Variants in DLGAP4 observed in about 807,000 individuals in gnomAD.
The protein encoded by DLGAP4 is disks large-associated protein 4.
A neutral mutation model predicts 86.9 loss-of-function variants in DLGAP4; 18 were observed. The observed-to-expected ratio is 0.21, with a 90% CI of 0.14 to 0.31. The LOEUF (loss-of-function observed/expected upper bound fraction) is 0.31. Among genes scored for constraint, DLGAP4 ranks in the 10% least tolerant of loss-of-function variants. DLGAP4 has a pLI of 1.00. For synonymous variants in DLGAP4, 548 were observed against 574.3 expected (o/e 0.95, Z 0.65); for missense variants, 1,085 against 1,362.6 (o/e 0.80, Z 3.21).
At chr20:36,396,832 G>A (rs2034474651) in intron 2 of DLGAP4, among the ~76,000 whole-genome samples, 1 of 152,196 alleles carries the variant, frequency 6.6e-6, no homozygotes, top group South Asian at 2.1e-4. Flanking sequence ...CTCTCAGGGC[G>A]GTTGCATTCA....
intron 7 of DLGAP4, chr20:36,462,655 C>A: frequency 6.4e-7 from 1 of 1,551,416 alleles, no homozygotes; most frequent in Admixed American, 2.1e-5. Context: ...TGGCCGCGGC[C>A]GAGGCTCCAT....
At chr20:36,361,621 G>A (rs2147404306) in intron 1 of DLGAP4, among the ~76,000 whole-genome samples, 1 of 152,254 alleles carries the variant, frequency 6.6e-6, no homozygotes, top group South Asian at 2.1e-4. Context: ...CCCGGACGGG[G>A]GCGACTCTGG....
rs1371891597 is a variant in DLGAP4, at chr20:36,499,551, T to C, written c.2011-37T>C. 3.1e-6 allele frequency: 5 copies of C among 1,598,994 alleles called. No individual in the cohort carries two copies. In the Middle Eastern group the frequency reaches 4.9e-4, roughly 158 times the overall value. ...GGTGTTTGTTTTTTATTTTTGTCTT[T>C]GTCTCCGTGCCGTTGCTGTCGTTGT... is the stretch of plus-strand genomic sequence containing the variant. On this transcript the variant is annotated intron_variant, in intron 8 of 12. Coordinates refer to ENST00000339266, the MANE Select transcript of DLGAP4 (RefSeq NM_001365621.2).
chr20:36,446,962 G>C, intron 7 of DLGAP4, 25 bp downstream of exon 7: 1 of 1,578,824 alleles, frequency 6.3e-7, no homozygotes, highest in Non-Finnish European at 8.6e-7. Flanking sequence ...GAGGGAAGGG[G>C]TTTTTTTTCT....
intron 10 of DLGAP4, among the ~76,000 whole-genome samples, chr20:36,514,092 T>C (rs974954692): frequency 2.6e-5 from 4 of 151,550 alleles, no homozygotes; most frequent in Admixed American, 2.6e-4. Flanking sequence ...CACTTAGCGG[T>C]GGAAAGGGAG....
chr20:36,517,391 C>T (rs927265098), intron 10 of DLGAP4, among the ~76,000 whole-genome samples: 1 of 151,950 alleles, frequency 6.6e-6, no homozygotes, highest in Non-Finnish European at 1.5e-5. Flanking sequence ...CTCAACCTCC[C>T]GAGTAGCTTG....
rs960392720 is a variant in DLGAP4 at position 36,499,101 on chromosome 20, C to T, written c.2011-487C>T. On this transcript the variant is annotated intron_variant, in intron 8 of 12. Coordinates refer to ENST00000339266, the MANE Select transcript of DLGAP4 (RefSeq NM_001365621.2). ...TGGCCTGCCCTCCAGGTTTCTGCCA[C>T]AGGGTTCAGGGAGTGATCTTTGCCT... The T allele has an allele frequency of 1.2e-5, 10 of 816,552 alleles. No individual in the cohort carries two copies. In the African/African-American group the frequency reaches 1.7e-4, roughly 14 times the overall value. 50.6% of individuals were successfully genotyped at this position (816,552 alleles called of 1,614,324 possible). A position where few individuals can be genotyped will look rare whatever the true frequency, so the allele number is the denominator to read the frequency against.
intron 1 of DLGAP4, among the ~76,000 whole-genome samples, chr20:36,361,089 A>T (rs1198618475): frequency 6.6e-6 from 1 of 152,150 alleles, no homozygotes; most frequent in East Asian, 1.9e-4. Flanking sequence ...CACATCTCAG[A>T]GCCAGCAAAG....
At chr20:36,482,112 C>T (rs1041300234) in intron 7 of DLGAP4, among the ~76,000 whole-genome samples, 2 of 152,210 alleles carry the variant, frequency 1.3e-5, no homozygotes, top group Admixed American at 1.3e-4. Context: ...CACTATTCGT[C>T]TCATCCCAAC....
chr20:36,381,103 T>G (rs2031376425), intron 2 of DLGAP4, among the ~76,000 whole-genome samples: 2 of 152,250 alleles, frequency 1.3e-5, no homozygotes, highest in African/African-American at 4.8e-5. Flanking sequence ...GTACATAAAA[T>G]AATCGGCAAC....
chr20:36,509,970 T>C (rs545283400), intron 10 of DLGAP4, among the ~76,000 whole-genome samples: 26 of 150,352 alleles, frequency 1.7e-4, no homozygotes, highest in Non-Finnish European at 3.7e-4. Flanking sequence ...GATTCTCTTG[T>C]CCCAGCCTCC....
intron 2 of DLGAP4, among the ~76,000 whole-genome samples, chr20:36,368,631 A>G (rs1255747029): frequency 6.6e-6 from 1 of 151,408 alleles, no homozygotes; most frequent in Admixed American, 6.6e-5. Context: ...CTGGTGCAGG[A>G]CAGGTGATAA....
intron 7 of DLGAP4, among the ~76,000 whole-genome samples, chr20:36,481,872 A>T (rs1020192032): frequency 6.6e-5 from 10 of 152,086 alleles, no homozygotes; most frequent in African/African-American, 2.4e-4. Flanking sequence ...GTGCATCCTC[A>T]GTGTCTGTGG....
At chr20:36,482,781 C>T (rs2147712868) in intron 7 of DLGAP4, among the ~76,000 whole-genome samples, 1 of 152,256 alleles carries the variant, frequency 6.6e-6, no homozygotes, top group East Asian at 1.9e-4. Context: ...AAGTGATCCC[C>T]ACACCTCAGC....
At chr20:36,367,855 C>T (rs371100383) in intron 2 of DLGAP4, among the ~76,000 whole-genome samples, 1 of 152,210 alleles carries the variant, frequency 6.6e-6, no homozygotes, top group South Asian at 2.1e-4. Flanking sequence ...CACCACTTCA[C>T]CATGCTGCTT....
At chr20:36,446,170 C>A (rs1026725063) in intron 6 of DLGAP4, among the ~76,000 whole-genome samples, 6 of 152,212 alleles carry the variant, frequency 3.9e-5, no homozygotes, top group African/African-American at 1.4e-4. Flanking sequence ...TATAAGAGGG[C>A]TAGATTAATC....
chr20:36,470,938 C>T (rs1375918272), intron 7 of DLGAP4, among the ~76,000 whole-genome samples: 1 of 152,136 alleles, frequency 6.6e-6, no homozygotes, highest in Non-Finnish European at 1.5e-5. Flanking sequence ...CAGTGAACAC[C>T]CTTTCCTGTG....
In DLGAP4 at chr20:36,350,075, T is replaced by TGTGGGTCTCAAGCGGCTTCTG. The variant is rs1555893358; in HGVS notation, c.-303-16966_-303-16946dup. On this transcript the variant is annotated intron_variant, in intron 1 of 12. Transcript: ENST00000339266. This position sits in a 1 kb window ranked among gnomAD's most constrained non-coding sequence, Gnocchi z 4.4. ...TCTCACAGTTCCCACATTTTTAGCCTGTGGGTCTCAAGCGGCTTCTGGTGT... is the reference window on the plus strand; with the variant it reads ...TCTCACAGTTCCCACATTTTTAGCCTGTGGGTCTCAAGCGGCTTCTGGTGGGTCTCAAGCGGCTTCTGGTGT... 1.3e-5 allele frequency among the ~76,000 whole-genome samples: 2 copies of TGTGGGTCTCAAGCGGCTTCTG among 152,132 alleles called. No individual in the cohort carries two copies. Among genetic ancestry groups the TGTGGGTCTCAAGCGGCTTCTG allele is most frequent in the Non-Finnish European group, 2.9e-5 (2 of 68,004 alleles).
chr20:36,436,219 C>A lies in DLGAP4; in HGVS notation c.1110C>A (p.Ile370=). The A allele has an allele frequency of 6.2e-7, 1 of 1,605,046 alleles. No homozygotes were observed. Among genetic ancestry groups the A allele is most frequent in the Non-Finnish European group, 8.5e-7 (1 of 1,179,360 alleles). Residue 370 remains isoleucine, a synonymous_variant, in exon 4 of 13, where the codon ATC becomes ATA. Transcript: ENST00000339266. ...GGCGCATGCGCAGCGGCAGCTACAT[C>A]AAGGCCATGGGCGACGAGGACAGCG... ...PCRRMRSGSY[I]KAMGDEDSDE... is the part of the protein sequence containing the mutation.
Sources: allele counts gnomAD v4.1 joint callset (sites outside exome capture counted in the v4.1 genomes callset), GRCh38; gene constraint gnomAD v4.1.1; non-coding constraint Gnocchi (gnomAD v3.1); transcripts MANE v1.5; gene names NCBI Gene and HGNC (gene_info 2026-07-23, HGNC 2026-07-21).